Variants in SSH2 observed in about 807,000 individuals in gnomAD.
The protein encoded by SSH2 is slingshot protein phosphatase 2.
A neutral mutation model predicts 135.2 loss-of-function variants in SSH2; 37 were observed. The observed-to-expected ratio is 0.27, with a 90% CI of 0.21 to 0.36. The LOEUF is 0.36. Among genes scored for constraint, SSH2 ranks in the 10% least tolerant of loss-of-function variants. The pLI, the probability that SSH2 is intolerant of heterozygous loss-of-function variation, is 1.00. For missense variants in SSH2, 1,408 were observed against 1,765.3 expected (o/e 0.80, Z 3.63); for synonymous variants, 628 against 646.2 (o/e 0.97, Z 0.43).
chr17:29,865,813 G>A (rs2065843366), intron 1 of SSH2, among the ~76,000 whole-genome samples: 1 of 152,120 alleles, frequency 6.6e-6, no homozygotes, highest in African/African-American at 2.4e-5. Context: ...CAGAAATGAG[G>A]GAGCAGGCTG....
intron 11 of SSH2, among the ~76,000 whole-genome samples, chr17:29,665,737 A>G (rs1304189459): frequency 6.6e-6 from 1 of 152,240 alleles, no homozygotes; most frequent in Non-Finnish European, 1.5e-5. Flanking sequence ...TGTACAGATA[A>G]GAACTAAAAC....
At position 29,632,922 on chromosome 17, in the gene SSH2, C is replaced by G. The variant is rs1445294310; in HGVS notation, c.2272G>C (p.Glu758Gln). 6.3e-7 allele frequency: 1 copy of G among 1,599,722 alleles called. No individual in the cohort carries two copies. ...ATGAAGATGTCTGGGCTGACCAGTT[C>G]TGAAATTGCCTAAGAAGAGAAAGTA... ...MDEEQSKAISELVSPDIFMQS... is the reference protein window; with the variant it reads ...MDEEQSKAISQLVSPDIFMQS... The change falls in exon 16 of 16, where the codon GAA (glutamate) becomes CAA (glutamine). Residue 758 changes from glutamate (E) to glutamine (Q), a missense_variant. Transcript: ENST00000540801.
At chr17:29,883,672 A>G (rs1453496926) in intron 1 of SSH2, among the ~76,000 whole-genome samples, 1 of 152,148 alleles carries the variant, frequency 6.6e-6, no homozygotes, top group Non-Finnish European at 1.5e-5. Context: ...GGATGAGTTA[A>G]TTCTCTTCCT....
chr17:29,649,555 TA>T (rs949478085), intron 13 of SSH2, among the ~76,000 whole-genome samples: 3 of 151,750 alleles, frequency 2.0e-5, no homozygotes, highest in Non-Finnish European at 2.9e-5. Flanking sequence ...ACCGGCTAAT[TA>T]AAAAAAAATT....
chr17:29,784,592 CCTT>C (rs1239182763), intron 3 of SSH2, among the ~76,000 whole-genome samples: 1 of 98,880 alleles, frequency 1.0e-5, no homozygotes, highest in Non-Finnish European at 1.9e-5. Flanking sequence ...GAGCTAGACT[CCTT>C]CTCAAAAAAA....
chr17:29,838,154 A>G (rs1232063737), intron 2 of SSH2, among the ~76,000 whole-genome samples: 2 of 152,212 alleles, frequency 1.3e-5, no homozygotes, highest in African/African-American at 4.8e-5. Flanking sequence ...CTGATCATGG[A>G]GCAAAGCTGA....
intron 3 of SSH2, among the ~76,000 whole-genome samples, chr17:29,719,578 C>A (rs967808372): frequency 1.3e-5 from 2 of 151,136 alleles, no homozygotes; most frequent in African/African-American, 4.9e-5. Flanking sequence ...TTATTGAGTA[C>A]CCACCTGTGT....
chr17:29,736,424 T>G (rs2040364691), intron 3 of SSH2, among the ~76,000 whole-genome samples: 1 of 152,196 alleles, frequency 6.6e-6, no homozygotes. Context: ...AGGGCTTTAC[T>G]GATCTTGATT....
At chr17:29,824,021 A>T (rs2151348719) in intron 2 of SSH2, among the ~76,000 whole-genome samples, 1 of 152,286 alleles carries the variant, frequency 6.6e-6, no homozygotes, top group Admixed American at 6.5e-5. Context: ...TAAATTACAA[A>T]TACAAATAAA....
chr17:29,634,602 G>C (rs967487053), intron 15 of SSH2, among the ~76,000 whole-genome samples: 2 of 152,136 alleles, frequency 1.3e-5, no homozygotes, highest in African/African-American at 4.8e-5. Context: ...TGCCAGGCTG[G>C]AGTGCAGTGG....
chr17:29,688,484 T>C (rs2038323465), intron 5 of SSH2, among the ~76,000 whole-genome samples: 1 of 152,104 alleles, frequency 6.6e-6, no homozygotes, highest in African/African-American at 2.4e-5. Context: ...ATTTTAAGCT[T>C]CTTTTTTGTT....
chr17:29,829,837 AT>A (rs35027288), intron 2 of SSH2, among the ~76,000 whole-genome samples: 14,458 of 130,390 alleles, frequency 0.11, 1,350 homozygotes, highest in African/African-American at 0.33. Context: ...AAAGATCAAG[AT>A]TTTTTTTTTT....
At chr17:29,635,256 C>T (rs1329305156) in intron 15 of SSH2, among the ~76,000 whole-genome samples, 1 of 152,074 alleles carries the variant, frequency 6.6e-6, no homozygotes, top group Non-Finnish European at 1.5e-5. Context: ...ACTGTAACAA[C>T]TATTCACACA....
At chr17:29,663,068 G>A (rs1446071565) in intron 11 of SSH2, among the ~76,000 whole-genome samples, 1 of 152,222 alleles carries the variant, frequency 6.6e-6, no homozygotes, top group Non-Finnish European at 1.5e-5. Context: ...TTGTAAGGGT[G>A]TAGAATCTCT....
intron 5 of SSH2, among the ~76,000 whole-genome samples, chr17:29,687,688 C>T (rs560049379): frequency 2.6e-5 from 4 of 152,156 alleles, no homozygotes; most frequent in Non-Finnish European, 5.9e-5. Flanking sequence ...AACAAGATCT[C>T]GCATATTATT....
chr17:29,859,439 CCTT>C (rs1375440479), intron 1 of SSH2, among the ~76,000 whole-genome samples: 1 of 152,150 alleles, frequency 6.6e-6, no homozygotes, highest in Non-Finnish European at 1.5e-5. Flanking sequence ...CTGATCCCCT[CCTT>C]CTTTGCACCC....
chr17:29,891,984 G>C (rs1331730319), intron 1 of SSH2, among the ~76,000 whole-genome samples: 1 of 151,792 alleles, frequency 6.6e-6, no homozygotes, highest in Non-Finnish European at 1.5e-5. Context: ...TAGGAAAATG[G>C]CTTTTAGAAT....
chr17:29,851,839 G>A (rs1452236046), intron 1 of SSH2, among the ~76,000 whole-genome samples: 2 of 152,048 alleles, frequency 1.3e-5, no homozygotes, highest in Admixed American at 1.3e-4. Flanking sequence ...CTGCCATCTG[G>A]CCTGGGCAAC....
intron 1 of SSH2, among the ~76,000 whole-genome samples, chr17:29,893,900 T>A (rs1377326177): frequency 6.6e-6 from 1 of 152,174 alleles, no homozygotes; most frequent in African/African-American, 2.4e-5. Flanking sequence ...CATTTTGGGT[T>A]AACATTGCTC....
Sources: allele counts gnomAD v4.1 joint callset (sites outside exome capture counted in the v4.1 genomes callset), GRCh38; gene constraint gnomAD v4.1.1; transcripts MANE v1.5; gene names NCBI Gene and HGNC (gene_info 2026-07-23, HGNC 2026-07-21).